ROR2: variants seen among roughly 807,000 people sequenced by gnomAD.
ROR2 encodes the protein ROR family WNT receptor 2, also known as tyrosine-protein kinase transmembrane receptor ROR2.
A neutral mutation model predicts 74.9 loss-of-function variants in ROR2; 33 were observed. That is an observed-to-expected ratio of 0.44 (90% CI 0.33 to 0.59). The LOEUF (loss-of-function observed/expected upper bound fraction) is 0.59. ROR2 is among the 20% of genes least tolerant of loss of function. The pLI, the probability that ROR2 is intolerant of heterozygous loss-of-function variation, is 0.02. For missense variants in ROR2, 1,216 were observed against 1,313.8 expected, an observed-to-expected ratio of 0.93 and a Z score of 1.15; for synonymous variants, 586 against 558.7, an observed-to-expected ratio of 1.05 and a Z score of -0.69.
Position 91,733,095 on chromosome 9 carries a change from TCCCGCCCCGGG to T in ROR2, c.937+16_937+26del, listed in dbSNP as rs1297409639. ...GCCCTACACTCCCTGCGCCCCCCGG[TCCCGCCCCGGG>T]CCCTCGGGCACTCACAGCGGCCCAG... On this transcript the variant is annotated intron_variant, in intron 6 of 8. Coordinates refer to ENST00000375708, the MANE Select transcript of ROR2 (RefSeq NM_004560.4). This position sits in a 1 kb window ranked among gnomAD's most constrained non-coding sequence, Gnocchi z 5.7. 1 of 1,562,658 alleles carries T rather than the reference TCCCGCCCCGGG, an allele frequency of 6.4e-7. No individual in the cohort carries two copies. The highest frequency in any genetic ancestry group is 1.2e-5 in the South Asian group (1 of 86,002).
intron 1 of ROR2, among the ~76,000 whole-genome samples, chr9:91,839,419 T>G (rs963350293): frequency 4.0e-5 from 6 of 151,006 alleles, no homozygotes; most frequent in African/African-American, 7.3e-5. Flanking sequence ...GTCTGTGGGG[T>G]GTGTGTGTAT....
chr9:91,920,376 C>T (rs1831232406), intron 1 of ROR2, among the ~76,000 whole-genome samples: 1 of 152,184 alleles, frequency 6.6e-6, no homozygotes, highest in Non-Finnish European at 1.5e-5. Flanking sequence ...CATGATGGCA[C>T]ATGCCTGTAG....
Position 91,723,780 on chromosome 9 carries a change from G to A in ROR2, c.2714C>T (p.Ala905Val). The A allele has an allele frequency of 6.2e-7, 1 of 1,613,726 alleles. No homozygotes were observed. Among genetic ancestry groups the A allele is most frequent in the South Asian group, 1.1e-5 (1 of 91,068 alleles). The change falls in exon 9 of 9, where the codon GCC becomes GTC. Residue 905 changes from alanine (A) to valine (V), a missense_variant. Ala to Val is a moderately conservative substitution (Grantham distance 64). Transcript: ENST00000375708. ...DDTQNAPEDG[A>V]QSTVQEAEEE... ...CTCTGCTTCCTGCACGGTGCTCTGG[G>A]CCCCATCTTCTGGGGCGTTCTGTGT...
At chr9:91,843,225 AG>A (rs1269036980) in intron 1 of ROR2, among the ~76,000 whole-genome samples, 1 of 152,188 alleles carries the variant, frequency 6.6e-6, no homozygotes, top group Non-Finnish European at 1.5e-5. Context: ...CAGGAACTAG[AG>A]GATGTCCTCA....
chr9:91,730,865 C>T, intron 7 of ROR2, 45 bp downstream of exon 7: 1 of 1,612,988 alleles, frequency 6.2e-7, no homozygotes, highest in Non-Finnish European at 8.5e-7. Flanking sequence ...TCACAAGGTT[C>T]ACTCAACAAT....
In ROR2 at chr9:91,837,148, T is replaced by TG. The variant is rs555376944; in HGVS notation, c.98-61331_98-61330insC. Among the ~76,000 whole-genome samples the TG allele has an allele frequency of 1.5e-4, 23 of 152,276 alleles. No individual in the cohort carries two copies. In the East Asian group the frequency reaches 2.1e-3, roughly 14 times the overall value. On this transcript the variant is annotated intron_variant, in intron 1 of 8. Transcript: ENST00000375708. Reference sequence around the variant, plus strand: ...TGTTCTGCATTGCTTACTGTTTTTTTTTTTGTTGTTGTTGTTGTTTTTTGA... The same window carrying TG: ...TGTTCTGCATTGCTTACTGTTTTTTTGTTTTGTTGTTGTTGTTGTTTTTTGA...
At chr9:91,739,793 C>G (rs1433536025) in intron 4 of ROR2, among the ~76,000 whole-genome samples, 1 of 152,188 alleles carries the variant, frequency 6.6e-6, no homozygotes, top group Non-Finnish European at 1.5e-5. Flanking sequence ...GTTAACAATG[C>G]GAGCCTGCCT....
At chr9:91,745,352 C>T (rs1011466265) in intron 4 of ROR2, among the ~76,000 whole-genome samples, 1 of 150,912 alleles carries the variant, frequency 6.6e-6, no homozygotes, top group Non-Finnish European at 1.5e-5. Context: ...CTCAAACTCC[C>T]GACCTCAGAT....
At chr9:91,756,435 T>C (rs1337558237) in intron 3 of ROR2, among the ~76,000 whole-genome samples, 1 of 152,176 alleles carries the variant, frequency 6.6e-6, no homozygotes, top group Admixed American at 6.5e-5. Context: ...GTTTGCTGCC[T>C]GGGAGTTTTT....
intron 1 of ROR2, among the ~76,000 whole-genome samples, chr9:91,933,313 C>CA (rs1322888944): frequency 6.6e-6 from 1 of 151,850 alleles, no homozygotes; most frequent in South Asian, 2.1e-4. Flanking sequence ...CAGACTGTCT[C>CA]AAAAAATATA....
chr9:91,880,348 G>C (rs534469597), intron 1 of ROR2, among the ~76,000 whole-genome samples: 7 of 152,260 alleles, frequency 4.6e-5, no homozygotes, highest in African/African-American at 1.7e-4. Context: ...TAAGTCTGTG[G>C]TGCATTGTTA....
intron 1 of ROR2, among the ~76,000 whole-genome samples, chr9:91,810,903 G>A (rs1827729066): frequency 6.6e-6 from 1 of 152,224 alleles, no homozygotes; most frequent in Admixed American, 6.5e-5. Flanking sequence ...ACAGAGGCTA[G>A]GACCTAAGCC....
intron 1 of ROR2, among the ~76,000 whole-genome samples, chr9:91,933,890 T>C (rs1831614750): frequency 6.6e-6 from 1 of 152,084 alleles, no homozygotes. Context: ...AGGACTTCCT[T>C]TGGGGGTGAT....
At chr9:91,839,798 G>A (rs73651569) in intron 1 of ROR2, among the ~76,000 whole-genome samples, 27,283 of 151,734 alleles carry the variant, frequency 0.18, 4,199 homozygotes, top group African/African-American at 0.42. Flanking sequence ...TGTCCCGGGG[G>A]AGCCTCGGGA....
chr9:91,878,911 A>G (rs568652515), intron 1 of ROR2, among the ~76,000 whole-genome samples: 205 of 152,270 alleles, frequency 1.3e-3, no homozygotes, highest in Non-Finnish European at 2.1e-3. Context: ...CCATGGTGGC[A>G]GGCGCCTGTA....
chr9:91,884,919 C>T (rs1830228165), intron 1 of ROR2, among the ~76,000 whole-genome samples: 1 of 152,138 alleles, frequency 6.6e-6, no homozygotes, highest in Non-Finnish European at 1.5e-5. Flanking sequence ...GGGAAGTGAT[C>T]AGTTGGTTGG....
chr9:91,727,621 C>T (rs1467431011), intron 7 of ROR2, among the ~76,000 whole-genome samples: 1 of 152,120 alleles, frequency 6.6e-6, no homozygotes, highest in Non-Finnish European at 1.5e-5. Context: ...GGACGCTGAC[C>T]CTAAGCCTGG....
intron 4 of ROR2, 118 bp from the exon 5 acceptor site, chr9:91,737,636 A>C (rs1825078825): frequency 6.6e-6 from 9 of 1,361,056 alleles, no homozygotes; most frequent in Non-Finnish European, 9.2e-6. Context: ...TATTTATATA[A>C]GTAAATTTAA....
rs528324704 is a variant in ROR2 at position 91,936,102 on chromosome 9, C to A, written c.97+13765G>T. 8.9e-4 allele frequency among the ~76,000 whole-genome samples: 135 copies of A among 152,340 alleles called. 1 individual carries two copies. The highest frequency in any genetic ancestry group is 2.7e-3 in the African/African-American group (114 of 41,576). On this transcript the variant is annotated intron_variant, in intron 1 of 8. Coordinates refer to ENST00000375708, the MANE Select transcript of ROR2 (RefSeq NM_004560.4). ...AGCTCACCACCACTACCCCACTTCC[C>A]GAGGCTCAGCAATAGTTTAGCAGTA...
Sources: gnomAD v4.1 joint callset for allele counts (sites outside exome capture counted in the v4.1 genomes callset) on GRCh38, gnomAD v4.1.1 for gene constraint, Gnocchi (gnomAD v3.1) non-coding constraint, MANE v1.5 for transcripts, NCBI Gene and HGNC (gene_info 2026-07-23, HGNC 2026-07-21) for gene names.